Variants in KCNN2 observed in about 807,000 individuals in gnomAD.
KCNN2 encodes potassium calcium-activated channel subfamily N member 2.
In KCNN2, 24 loss-of-function variants were observed where a neutral mutation model predicts 55.5. That is an observed-to-expected ratio of 0.43 (90% confidence interval 0.31 to 0.61). The LOEUF (loss-of-function observed/expected upper bound fraction) is 0.61. Among genes scored for constraint, KCNN2 ranks in the 20% least tolerant of loss-of-function variants. The pLI, the probability that KCNN2 is intolerant of heterozygous loss-of-function variation, is 0.08. For missense variants in KCNN2, 754 were observed against 853.6 expected, an observed-to-expected ratio of 0.88 and a Z score of 1.45; for synonymous variants, 431 against 336.1, an observed-to-expected ratio of 1.28 and a Z score of -3.09.
intron 1 of KCNN2, among the ~76,000 whole-genome samples, chr5:114,202,007 A>G (rs1388170215): frequency 6.6e-6 from 1 of 152,128 alleles, no homozygotes; most frequent in Non-Finnish European, 1.5e-5. Context: ...TGTGATGCTC[A>G]TGTCTCAGTC....
chr5:114,086,152 G>A (rs903948932), intron 1 of KCNN2, among the ~76,000 whole-genome samples: 1 of 151,606 alleles, frequency 6.6e-6, no homozygotes, highest in Non-Finnish European at 1.5e-5. Flanking sequence ...TTAACCTTTT[G>A]CTATGTTTAC....
At chr5:114,425,800 C>A (rs1424179269) in intron 3 of KCNN2, among the ~76,000 whole-genome samples, 1 of 152,142 alleles carries the variant, frequency 6.6e-6, no homozygotes, top group Non-Finnish European at 1.5e-5. Context: ...AGCATTTCTC[C>A]TGTAATTGCC....
chr5:114,279,354 A>T (rs1317652183), intron 2 of KCNN2, among the ~76,000 whole-genome samples: 1 of 151,932 alleles, frequency 6.6e-6, no homozygotes, highest in East Asian at 1.9e-4. Flanking sequence ...CACAGTGTGC[A>T]GGTTTGTTAC....
intron 1 of KCNN2, among the ~76,000 whole-genome samples, chr5:114,199,569 C>T (rs949833633): frequency 6.6e-6 from 1 of 151,828 alleles, no homozygotes; most frequent in Non-Finnish European, 1.5e-5. Flanking sequence ...ATTTCTTTCT[C>T]ATCCTCGTTG....
upstream of KCNN2, among the ~76,000 whole-genome samples, chr5:114,357,456 C>G (rs1184415082): frequency 8.8e-6 from 1 of 113,794 alleles, no homozygotes; most frequent in East Asian, 2.9e-4. Flanking sequence ...CCCCTCCCCC[C>G]ACCCCACAAC....
intron 2 of KCNN2, among the ~76,000 whole-genome samples, chr5:114,389,545 A>G (rs919887251): frequency 6.6e-6 from 1 of 152,158 alleles, no homozygotes; most frequent in African/African-American, 2.4e-5. Context: ...AATACACACA[A>G]CAGGCTAGAA....
chr5:114,161,677 A>G (rs10058313), intron 1 of KCNN2, among the ~76,000 whole-genome samples: 13,943 of 152,088 alleles, frequency 0.092, 810 homozygotes, highest in Non-Finnish European at 0.12. Context: ...ATAGTCCCAT[A>G]TTTCTTGGAG....
At chr5:114,441,989 C>T (rs1760232481) in intron 3 of KCNN2, among the ~76,000 whole-genome samples, 1 of 152,176 alleles carries the variant, frequency 6.6e-6, no homozygotes, top group Admixed American at 6.5e-5. Context: ...TCAGGGATAG[C>T]TTTCTGCCTT....
At chr5:114,187,593 C>T (rs1039489866) in intron 1 of KCNN2, among the ~76,000 whole-genome samples, 1 of 150,532 alleles carries the variant, frequency 6.6e-6, no homozygotes, top group Middle Eastern at 3.4e-3. Context: ...GCAAGCTCCG[C>T]CTCCCGGGTT....
At chr5:114,492,737 T>C (rs888466396) in intron 6 of KCNN2, among the ~76,000 whole-genome samples, 1 of 152,116 alleles carries the variant, frequency 6.6e-6, no homozygotes, top group Non-Finnish European at 1.5e-5. Flanking sequence ...CTGACTTTTA[T>C]CTACACTGAA....
At chr5:114,085,281 T>G (rs1404588598) in intron 1 of KCNN2, among the ~76,000 whole-genome samples, 1 of 151,976 alleles carries the variant, frequency 6.6e-6, no homozygotes, top group African/African-American at 2.4e-5. Flanking sequence ...TGATTTTAAT[T>G]GTATTGAATC....
At chr5:114,187,156 A>G (rs904371241) in intron 1 of KCNN2, among the ~76,000 whole-genome samples, 2 of 152,220 alleles carry the variant, frequency 1.3e-5, no homozygotes, top group African/African-American at 2.4e-5. Context: ...CTGGTTAAGT[A>G]TTCTAGGTGA....
At chr5:114,494,138 C>A (rs1465903293) in intron 7 of KCNN2, among the ~76,000 whole-genome samples, 1 of 151,878 alleles carries the variant, frequency 6.6e-6, no homozygotes, top group Admixed American at 6.6e-5. Context: ...TGTCAATAAT[C>A]AAAACATTGC....
At chr5:114,470,879 T>G (rs2150122547) in intron 4 of KCNN2, among the ~76,000 whole-genome samples, 1 of 152,246 alleles carries the variant, frequency 6.6e-6, no homozygotes, top group East Asian at 1.9e-4. Flanking sequence ...GACACCTGGG[T>G]TTTATCCCTG....
chr5:114,226,900 CAAAAAA>C (rs34719469), intron 2 of KCNN2, among the ~76,000 whole-genome samples: 1 of 86,758 alleles, frequency 1.2e-5, no homozygotes. Flanking sequence ...GACTCCGTCT[CAAAAAA>C]AAAAAAAAAA....
Position 114,201,555 on chromosome 5 carries a change from G to A in KCNN2, c.-270-19925G>A, listed in dbSNP as rs528845763. Among the ~76,000 whole-genome samples, 6 of 152,262 alleles carry A rather than the reference G, an allele frequency of 3.9e-5. No homozygotes were observed. In the South Asian group the frequency reaches 1.0e-3, roughly 26 times the overall value. On this transcript the variant is annotated intron_variant, in intron 1 of 10. Coordinates refer to the KCNN2 transcript ENST00000512097. ...GAGCAGGGAGGTGAATATTGTACTA[G>A]GTATGCTTAGGAGAATGTGGCTGCC... is the stretch of plus-strand genomic sequence containing the variant.
At chr5:114,319,334 A>G (rs1366887744) in intron 2 of KCNN2, among the ~76,000 whole-genome samples, 1 of 152,138 alleles carries the variant, frequency 6.6e-6, no homozygotes, top group Admixed American at 6.5e-5. Context: ...GAAGAGCCCT[A>G]TGAAGACAGA....
intron 2 of KCNN2, among the ~76,000 whole-genome samples, chr5:114,296,146 C>T (rs1191969000): frequency 6.6e-6 from 1 of 152,100 alleles, no homozygotes; most frequent in Non-Finnish European, 1.5e-5. Context: ...AATGATTTGT[C>T]CTTCAGTTTG....
At chr5:114,374,953 C>T (rs1757888378) in intron 2 of KCNN2, among the ~76,000 whole-genome samples, 2 of 152,104 alleles carry the variant, frequency 1.3e-5, no homozygotes, top group African/African-American at 2.4e-5. Flanking sequence ...CTGAGTTAGT[C>T]GTCTTCTGTC....
Sources: gnomAD v4.1 joint callset for allele counts (sites outside exome capture counted in the v4.1 genomes callset) on GRCh38, gnomAD v4.1.1 for gene constraint, MANE v1.5 for transcripts, NCBI Gene and HGNC (gene_info 2026-07-23, HGNC 2026-07-21) for gene names.